Variants in FBRSL1 observed in about 807,000 individuals in gnomAD.
FBRSL1 encodes fibrosin like 1.
FBRSL1 carries 51 observed loss-of-function variants against 89.6 expected under a neutral mutation model. The observed-to-expected ratio is 0.57, with a 90% CI of 0.45 to 0.72. FBRSL1 has a LOEUF of 0.72. Ranked by LOEUF, FBRSL1 falls within the 30% of genes least tolerant of loss-of-function variation. The pLI is 0.00. For missense variants in FBRSL1, 1,618 were observed against 1,451.8 expected, an observed-to-expected ratio of 1.11 and a Z score of -1.86; for synonymous variants, 779 against 681.1, an observed-to-expected ratio of 1.14 and a Z score of -2.24.
chr12:132,515,651 G>A (rs1284160232), intron 2 of FBRSL1, among the ~76,000 whole-genome samples: 1 of 152,116 alleles, frequency 6.6e-6, no homozygotes, highest in Non-Finnish European at 1.5e-5. Flanking sequence ...TGTAATCCCA[G>A]CACTTTGGGA....
intron 15 of FBRSL1, 78 bp downstream of exon 15, chr12:132,577,009 GGAGT>G (rs2040423419): frequency 6.7e-7 from 1 of 1,496,076 alleles, no homozygotes; most frequent in African/African-American, 1.4e-5. Flanking sequence ...TCCTGTGCCA[GGAGT>G]GAGAGCGCTC....
chr12:132,562,406 C>G (rs1233788961), intron 5 of FBRSL1, among the ~76,000 whole-genome samples: 1 of 152,090 alleles, frequency 6.6e-6, no homozygotes, highest in Non-Finnish European at 1.5e-5. Context: ...GTGCCGGGGT[C>G]TCCTAGCTTC....
Position 132,580,408 on chromosome 12 carries a change from AG to A in FBRSL1, c.1835-1029del, listed in dbSNP as rs1180755899. Among the ~76,000 whole-genome samples, 3 of 147,394 alleles carry A rather than the reference AG, an allele frequency of 2.0e-5. No individual in the cohort carries two copies. The East Asian group carries it at 6.1e-4, about 30-fold the overall frequency. On this transcript the variant is annotated intron_variant, in intron 15 of 18. Coordinates refer to ENST00000680143, the MANE Select transcript of FBRSL1 (RefSeq NM_001367871.1). ...CGGCCAATTTCACCAGTATTTTTAA[AG>A]GAGCAGCTCTGACCTCGCTGCCTTC...
intron 1 of FBRSL1, among the ~76,000 whole-genome samples, chr12:132,501,656 C>G (rs1458803499): frequency 1.3e-5 from 2 of 152,158 alleles, no homozygotes; most frequent in African/African-American, 4.8e-5. Flanking sequence ...CTGCCGTGAG[C>G]AAATGCACGG....
intron 1 of FBRSL1, among the ~76,000 whole-genome samples, chr12:132,498,469 A>G (rs993021101): frequency 5.3e-5 from 8 of 152,162 alleles, no homozygotes; most frequent in African/African-American, 1.9e-4. Flanking sequence ...CCCGGCCCCT[A>G]GCCCTCCACT....
In FBRSL1 at chr12:132,570,492, C is replaced by T; in HGVS notation, c.1165C>T (p.Pro389Ser). ...TGCCGCACCCCCGACACTGCCCCCG[C>T]CCCCGGCGCTGCCGGCCAGCAGCCT... is the stretch of plus-strand genomic sequence containing the variant. ...MFAAPPTLPP[P>S]PALPASSLVL... Residue 389 changes from proline (P) to serine (S), a missense_variant, in exon 8 of 19, where the codon CCC becomes TCC. By Grantham distance (74) the Pro-to-Ser change is moderately conservative. Coordinates refer to ENST00000680143, the MANE Select transcript of FBRSL1 (RefSeq NM_001367871.1). 7.2e-6 allele frequency: 11 copies of T among 1,528,424 alleles called. No homozygotes were observed. The highest frequency in any genetic ancestry group is 9.6e-6 in the Non-Finnish European group (11 of 1,143,114). The allele number at this position is 1,528,424 out of a possible 1,614,324, so 94.7% of individuals were successfully genotyped here.
At chr12:132,578,343 T>TCACACACACACACACACACATACACA (rs1555290111) in intron 15 of FBRSL1, among the ~76,000 whole-genome samples, 3,168 of 141,090 alleles carry the variant, frequency 0.022, 59 homozygotes, top group Non-Finnish European at 0.036. Context: ...AGACCCTGTC[T>TCACACACACACACACACACATACACA]CACACACACA....
chr12:132,495,301 G>A (rs1310157477), intron 1 of FBRSL1, among the ~76,000 whole-genome samples: 1 of 152,264 alleles, frequency 6.6e-6, no homozygotes, highest in Non-Finnish European at 1.5e-5. Context: ...TGGCCATGTG[G>A]GGGCGGGGCT....
At position 132,490,564 on chromosome 12, in the gene FBRSL1, C is replaced by T; in HGVS notation, c.-7C>T. 1 of 981,562 alleles carries T rather than the reference C, an allele frequency of 1.0e-6. No homozygotes were observed. The highest frequency in any genetic ancestry group is 1.2e-6 in the Non-Finnish European group (1 of 828,742). 60.8% of individuals were successfully genotyped at this position (981,562 alleles called of 1,614,324 possible). A position where few individuals can be genotyped will look rare whatever the true frequency, so the allele number is the denominator to read the frequency against. ...GGTCACCGGCCCGACGGGGCGCACG[C>T]GCGGCCATGGAGGCCAAGGTCCGCC... On this transcript the variant is annotated 5_prime_UTR_variant, in exon 1 of 19. Transcript: ENST00000680143.
chr12:132,581,657 G>A, intron 16 of FBRSL1, 84 bp from the exon 17 acceptor site: 1 of 1,500,738 alleles, frequency 6.7e-7, no homozygotes, highest in Non-Finnish European at 9.1e-7. Flanking sequence ...CAGGCCCAAA[G>A]CCTCTACAGC....
intron 4 of FBRSL1, among the ~76,000 whole-genome samples, chr12:132,532,999 C>T (rs1239169399): frequency 1.3e-5 from 2 of 152,194 alleles, no homozygotes; most frequent in Non-Finnish European, 2.9e-5. Flanking sequence ...TTACGGGGCT[C>T]CTTGGGCCTC....
At chr12:132,501,546 C>A (rs55634548) in intron 1 of FBRSL1, among the ~76,000 whole-genome samples, 199 of 152,310 alleles carry the variant, frequency 1.3e-3, no homozygotes, top group African/African-American at 4.5e-3. Context: ...GGTGCCCTCA[C>A]TGCTGTCATG....
At chr12:132,540,377 A>C (rs1593408114) in intron 4 of FBRSL1, among the ~76,000 whole-genome samples, 1 of 55,012 alleles carries the variant, frequency 1.8e-5, no homozygotes. Context: ...GCCAGGTGCC[A>C]CCTCCCCTCG....
chr12:132,541,778 G>T (rs1470128751), intron 4 of FBRSL1, among the ~76,000 whole-genome samples: 1 of 152,240 alleles, frequency 6.6e-6, no homozygotes, highest in Non-Finnish European at 1.5e-5. Flanking sequence ...CCGCCCGAGC[G>T]TGCGGCCCAA....
rs2037832633 is a variant in FBRSL1 at position 132,547,896 on chromosome 12, G to A, written c.616-107G>A. 3 of 1,258,438 alleles carry A rather than the reference G, an allele frequency of 2.4e-6. No homozygotes were observed. In the East Asian group the frequency reaches 7.6e-5, roughly 32 times the overall value. 78.0% of individuals were successfully genotyped at this position (1,258,438 alleles called of 1,614,324 possible). On this transcript the variant is annotated intron_variant, in intron 4 of 18. Coordinates refer to ENST00000680143, the MANE Select transcript of FBRSL1 (RefSeq NM_001367871.1). ...CTGGTACCTCCCTCTCCTGGCAGCA[G>A]CCAGGGCCGCCCCACCCGTGCCCCT...
At chr12:132,572,013 C>T (rs2040053715) in intron 9 of FBRSL1, 3 of 539,886 alleles carry the variant, frequency 5.6e-6, no homozygotes, top group Non-Finnish European at 6.6e-6. Flanking sequence ...CTTCACGCCC[C>T]AGGCCTCAGC....
intron 4 of FBRSL1, among the ~76,000 whole-genome samples, chr12:132,547,206 C>T (rs866730170): frequency 0.023 from 3,371 of 148,494 alleles, 104 homozygotes; most frequent in African/African-American, 0.079. Flanking sequence ...AAACGGAGAA[C>T]GGACAGTCAG....
chr12:132,495,670 GCTGCATGGATTC>G (rs2031895954), intron 1 of FBRSL1, among the ~76,000 whole-genome samples: 1 of 152,230 alleles, frequency 6.6e-6, no homozygotes, highest in African/African-American at 2.4e-5. Context: ...CTGCCTGGAA[GCTGCATGGATTC>G]CTGTTCCTCC....
chr12:132,503,336 G>A (rs1424834332), intron 1 of FBRSL1, among the ~76,000 whole-genome samples: 1 of 152,256 alleles, frequency 6.6e-6, no homozygotes, highest in African/African-American at 2.4e-5. Flanking sequence ...AGCTGGGCAC[G>A]ACCTGGAGGC....
Sources: gnomAD v4.1 joint callset for allele counts (sites outside exome capture counted in the v4.1 genomes callset) on GRCh38, gnomAD v4.1.1 for gene constraint, MANE v1.5 for transcripts, NCBI Gene and HGNC (gene_info 2026-07-23, HGNC 2026-07-21) for gene names.